Variants in IFI16 observed in about 807,000 individuals in gnomAD.
IFI16 encodes the protein interferon gamma inducible protein 16.
In IFI16, 49 loss-of-function variants were observed where a neutral mutation model predicts 68.4. That is an observed-to-expected ratio of 0.72 (90% CI 0.57 to 0.91). The LOEUF (loss-of-function observed/expected upper bound fraction) is 0.91. Among genes scored for constraint, IFI16 ranks in the 40% least tolerant of loss-of-function variants. The pLI, the probability that IFI16 is intolerant of heterozygous loss-of-function variation, is 0.00. For missense variants in IFI16, 878 were observed against 942.9 expected, an observed-to-expected ratio of 0.93 and a Z score of 0.90; for synonymous variants, 307 against 315.0, an observed-to-expected ratio of 0.97 and a Z score of 0.27.
At chr1:159,044,983 C>T (rs1654888202) in intron 7 of IFI16, among the ~76,000 whole-genome samples, 1 of 151,890 alleles carries the variant, frequency 6.6e-6, no homozygotes, top group African/African-American at 2.4e-5. Context: ...AGCCATGCTG[C>T]CCCCAAAATA....
At position 159,051,541 on chromosome 1, in the gene IFI16, CT is replaced by C. The variant is rs1279873454; in HGVS notation, c.1666-135del. ...ACCTAAATCATACTATCTCAGTGAT[CT>C]TTGTCTAGTTTTCCCTACTTTACCC... On this transcript the variant is annotated intron_variant, in intron 9 of 11. Coordinates refer to ENST00000295809, the MANE Select transcript of IFI16 (RefSeq NM_001376587.1). 6 of 641,062 alleles carry C rather than the reference CT, an allele frequency of 9.4e-6. No individual in the cohort carries two copies. The African/African-American group carries it at 1.1e-4, about 12-fold the overall frequency. 39.7% of individuals were successfully genotyped at this position (641,062 alleles called of 1,614,324 possible).
upstream of IFI16, chr1:159,009,058 T>C (rs1652385598): frequency 6.6e-6 from 1 of 152,056 alleles, no homozygotes; most frequent in Non-Finnish European, 1.5e-5. Flanking sequence ...CAGAGAAAAA[T>C]ACACTGCTGA....
intron 9 of IFI16, 117 bp downstream of exon 9, chr1:159,049,716 A>G: frequency 9.1e-7 from 1 of 1,096,148 alleles, no homozygotes. Context: ...AATTTAACCA[A>G]ATCAGTCATT....
At chr1:159,036,890 G>T (rs1004809499) in intron 7 of IFI16, among the ~76,000 whole-genome samples, 2 of 152,096 alleles carry the variant, frequency 1.3e-5, no homozygotes, top group Non-Finnish European at 2.9e-5. Flanking sequence ...TTGAAGACAG[G>T]CCTCCCATGT....
chr1:159,030,382 A>G (rs1653928962), intron 6 of IFI16, among the ~76,000 whole-genome samples: 1 of 152,122 alleles, frequency 6.6e-6, no homozygotes, highest in Non-Finnish European at 1.5e-5. Flanking sequence ...GTTTTGACAT[A>G]TTACCAGGAT....
At chr1:159,041,378 G>A (rs1391959247) in intron 7 of IFI16, among the ~76,000 whole-genome samples, 1 of 152,160 alleles carries the variant, frequency 6.6e-6, no homozygotes, top group African/African-American at 2.4e-5. Flanking sequence ...TAGACAGCAA[G>A]GGCAACATAA....
intron 7 of IFI16, among the ~76,000 whole-genome samples, chr1:159,041,364 CAT>C (rs1654628045): frequency 6.6e-6 from 1 of 152,270 alleles, no homozygotes; most frequent in South Asian, 2.1e-4. Flanking sequence ...CAGTTTGCCT[CAT>C]ATAGACAGCA....
chr1:159,042,924 G>T (rs1296789623), intron 7 of IFI16, among the ~76,000 whole-genome samples: 5 of 152,176 alleles, frequency 3.3e-5, no homozygotes, highest in African/African-American at 1.2e-4. Context: ...GAAGGTATGG[G>T]CAGGGAAATA....
chr1:159,000,242 C>A, exon 1 of IFI16: 1 of 259,530 alleles, frequency 3.9e-6, no homozygotes, highest in Non-Finnish European at 8.2e-6. Context: ...GCACTTAAAC[C>A]TATCCAGTTC....
upstream of IFI16, among the ~76,000 whole-genome samples, chr1:159,004,966 AC>A (rs763703115): frequency 1.8e-4 from 28 of 152,186 alleles, no homozygotes; most frequent in Admixed American, 6.5e-4. Context: ...CAATGTTTTT[AC>A]CCCCTTCAAA....
At chr1:159,034,533 A>G (rs772093275) in intron 7 of IFI16, among the ~76,000 whole-genome samples, 3 of 152,152 alleles carry the variant, frequency 2.0e-5, no homozygotes, top group Non-Finnish European at 4.4e-5. Context: ...TCCAGGTTTT[A>G]TTTTAAAATA....
At chr1:159,023,978 T>TA (rs1461741954) in intron 6 of IFI16, among the ~76,000 whole-genome samples, 1 of 152,230 alleles carries the variant, frequency 6.6e-6, no homozygotes, top group East Asian at 1.9e-4. Context: ...TGGATTATCC[T>TA]AAACTGTGGG....
chr1:159,019,346 C>A (rs12057552), intron 5 of IFI16, among the ~76,000 whole-genome samples: 1 of 151,916 alleles, frequency 6.6e-6, no homozygotes. Flanking sequence ...CATTCCACCC[C>A]GCAAAAAAGC....
Position 159,051,801 on chromosome 1 carries a change from G to A in IFI16, c.1788G>A (p.Gln596=), listed in dbSNP as rs1483816486. 6.2e-7 allele frequency: 1 copy of A among 1,614,138 alleles called. No individual in the cohort carries two copies. Among genetic ancestry groups the A allele is most frequent in the Non-Finnish European group, 8.5e-7 (1 of 1,179,968 alleles). The part of the protein sequence containing the change: ...TESFVYEPKE[Q]KKMFHATVAT... Reference sequence around the variant, plus strand: ...CATTTGTATATGAGCCCAAAGAGCAGAAGAAAATGTTTCATGCCACAGTGG... The same window carrying A: ...CATTTGTATATGAGCCCAAAGAGCAAAAGAAAATGTTTCATGCCACAGTGG... The change falls in exon 10 of 12, where the codon CAG becomes CAA. Residue 596 remains glutamine, a synonymous_variant. Coordinates refer to ENST00000295809, the MANE Select transcript of IFI16 (RefSeq NM_001376587.1).
chr1:159,013,312 GC>G (rs1652700443), intron 1 of IFI16, among the ~76,000 whole-genome samples: 1 of 151,792 alleles, frequency 6.6e-6, no homozygotes, highest in Non-Finnish European at 1.5e-5. Context: ...GGGACTGCAA[GC>G]GCTTGCCACC....
chr1:159,024,974 G>T (rs1653560905), intron 6 of IFI16, among the ~76,000 whole-genome samples: 1 of 151,698 alleles, frequency 6.6e-6, no homozygotes, highest in Admixed American at 6.6e-5. Flanking sequence ...CATAAAATAG[G>T]GTCCTTCCCA....
chr1:159,013,276 C>A (rs1401639782), intron 1 of IFI16, among the ~76,000 whole-genome samples: 2 of 148,254 alleles, frequency 1.3e-5, no homozygotes, highest in Non-Finnish European at 3.0e-5. Flanking sequence ...TCAAGCAATT[C>A]TCCTGCCTCA....
chr1:159,041,440 T>C (rs541788762), intron 7 of IFI16, among the ~76,000 whole-genome samples: 171 of 152,258 alleles, frequency 1.1e-3, no homozygotes, highest in African/African-American at 3.9e-3. Flanking sequence ...AAAGATCAGT[T>C]TGCTGAACAA....
Position 159,020,589 on chromosome 1 carries a change from T to G in IFI16, c.1161+60T>G, listed in dbSNP as rs1396827427. 3.0e-6 allele frequency: 4 copies of G among 1,336,740 alleles called. No individual in the cohort carries two copies. In the Admixed American group the frequency reaches 8.4e-5, roughly 28 times the overall value. 82.8% of individuals were successfully genotyped at this position (1,336,740 alleles called of 1,614,324 possible). The stretch of plus-strand genomic sequence containing the variant: ...AGTGGAAATGATTTGCTTTAAGTTT[T>G]GGCAAAAACAAGTTTGTAGGTTTTT... On this transcript the variant is annotated intron_variant, in intron 6 of 11. Coordinates refer to ENST00000295809, the MANE Select transcript of IFI16 (RefSeq NM_001376587.1).
Sources: allele counts gnomAD v4.1 joint callset (sites outside exome capture counted in the v4.1 genomes callset), GRCh38; gene constraint gnomAD v4.1.1; transcripts MANE v1.5; gene names NCBI Gene and HGNC (gene_info 2026-07-23, HGNC 2026-07-21).